Variants in TAS2R1 observed in about 807,000 individuals in gnomAD.
The protein encoded by TAS2R1 is taste 2 receptor member 1.
For synonymous variants in TAS2R1, 141 were observed against 134.2 expected, an observed-to-expected ratio of 1.05 and a Z score of -0.35; for missense variants, 370 against 353.4, an observed-to-expected ratio of 1.05 and a Z score of -0.38.
At chr5:9,764,087 G>A in the TAS2R1 span, among the ~76,000 whole-genome samples, 2 of 152,166 alleles carry the variant, frequency 1.3e-5, no homozygotes, top group Non-Finnish European at 2.9e-5. Flanking sequence ...TAAATTAAAA[G>A]GTTGTGTGTT....
At chr5:9,671,586 T>A (rs982832144) in intron 1 of TAS2R1, among the ~76,000 whole-genome samples, 1 of 152,034 alleles carries the variant, frequency 6.6e-6, no homozygotes, top group South Asian at 2.1e-4. Flanking sequence ...TAACCAGGTA[T>A]ATGAAAGATC....
At chr5:9,837,783 C>T in the TAS2R1 span, among the ~76,000 whole-genome samples, 3 of 152,194 alleles carry the variant, frequency 2.0e-5, no homozygotes, top group Admixed American at 6.5e-5. Context: ...CCTCGTGGAG[C>T]GACAGCATGT....
the TAS2R1 span, among the ~76,000 whole-genome samples, chr5:9,786,812 C>G: frequency 6.6e-6 from 1 of 152,310 alleles, no homozygotes; most frequent in East Asian, 1.9e-4. Context: ...CTTCTATGAG[C>G]TGCCCCCAAC....
the TAS2R1 span, among the ~76,000 whole-genome samples, chr5:9,784,471 A>C: frequency 6.6e-6 from 1 of 152,208 alleles, no homozygotes; most frequent in African/African-American, 2.4e-5. Context: ...GAGAACATTC[A>C]ATGTAGGCAA....
chr5:9,652,323 C>T (rs548473922), intron 2 of TAS2R1, among the ~76,000 whole-genome samples: 4 of 152,312 alleles, frequency 2.6e-5, no homozygotes, highest in African/African-American at 9.6e-5. Context: ...CCTGGAAACA[C>T]AGCTGAACAC....
At chr5:9,680,790 C>T (rs1209050893) in intron 1 of TAS2R1, among the ~76,000 whole-genome samples, 4 of 152,092 alleles carry the variant, frequency 2.6e-5, no homozygotes, top group Non-Finnish European at 4.4e-5. Flanking sequence ...TGGTGGCTCA[C>T]GCCTGTAATC....
chr5:9,691,152 G>A lies in TAS2R1; in HGVS notation c.-242+21020C>T, dbSNP rs61369995. Among the ~76,000 whole-genome samples the A allele has an allele frequency of 7.4e-3, 1,125 of 152,316 alleles. 16 individuals carry two copies. The highest frequency in any genetic ancestry group is 0.026 in the African/African-American group (1,075 of 41,562). On this transcript the variant is annotated intron_variant, in intron 1 of 2. Transcript: ENST00000506620. ...ATGAAATCATCCTGGATTATGCTGG[G>A]GGCCCCTCAATCCGGTCACATGTGT...
chr5:9,895,116 G>A, the TAS2R1 span, among the ~76,000 whole-genome samples: 3 of 152,236 alleles, frequency 2.0e-5, no homozygotes, highest in African/African-American at 4.8e-5. Context: ...CAAAGGCCTC[G>A]GCTTTCTCAT....
chr5:9,825,156 TC>T, the TAS2R1 span, among the ~76,000 whole-genome samples: 2 of 152,328 alleles, frequency 1.3e-5, no homozygotes, highest in African/African-American at 4.8e-5. Flanking sequence ...TCATTTCCTT[TC>T]TACTTACTAG....
the TAS2R1 span, among the ~76,000 whole-genome samples, chr5:9,732,440 G>A: frequency 6.6e-6 from 1 of 152,152 alleles, no homozygotes; most frequent in Non-Finnish European, 1.5e-5. Context: ...GGCTCTCCAG[G>A]TGGGCTTTAT....
At chr5:9,785,528 T>C in the TAS2R1 span, among the ~76,000 whole-genome samples, 2 of 152,234 alleles carry the variant, frequency 1.3e-5, no homozygotes, top group Admixed American at 6.5e-5. Context: ...GGAGATTTGA[T>C]AGCTGTTCAA....
chr5:9,784,981 C>T, the TAS2R1 span, among the ~76,000 whole-genome samples: 1 of 152,134 alleles, frequency 6.6e-6, no homozygotes, highest in Non-Finnish European at 1.5e-5. Context: ...TTTGGGGAGA[C>T]ACAATTCAAC....
chr5:9,678,209 T>A (rs896118436), intron 1 of TAS2R1, among the ~76,000 whole-genome samples: 1 of 152,088 alleles, frequency 6.6e-6, no homozygotes, highest in South Asian at 2.1e-4. Context: ...CATTAGAGAA[T>A]GCAAATCAAA....
chr5:9,820,206 G>C, the TAS2R1 span, among the ~76,000 whole-genome samples: 8 of 152,118 alleles, frequency 5.3e-5, no homozygotes, highest in African/African-American at 1.4e-4. Context: ...CACATGGAAA[G>C]GAAGTCACTA....
the TAS2R1 span, among the ~76,000 whole-genome samples, chr5:9,893,187 G>A: frequency 6.6e-6 from 1 of 151,294 alleles, no homozygotes; most frequent in Non-Finnish European, 1.5e-5. Flanking sequence ...AAATATCTGG[G>A]TGATGTCTTG....
At chr5:9,764,842 T>C in the TAS2R1 span, among the ~76,000 whole-genome samples, 1,208 of 152,272 alleles carry the variant, frequency 7.9e-3, 11 homozygotes, top group African/African-American at 0.028. Flanking sequence ...ATGGCACCTG[T>C]TTAAAACCAA....
At chr5:9,814,389 C>A in the TAS2R1 span, among the ~76,000 whole-genome samples, 1 of 152,074 alleles carries the variant, frequency 6.6e-6, no homozygotes, top group Non-Finnish European at 1.5e-5. Context: ...CTTATCTAAG[C>A]AGGAATATCT....
At chr5:9,739,598 C>T in the TAS2R1 span, among the ~76,000 whole-genome samples, 1 of 152,174 alleles carries the variant, frequency 6.6e-6, no homozygotes, top group African/African-American at 2.4e-5. Flanking sequence ...TTGCTTAATC[C>T]GTAAGAGGCA....
the TAS2R1 span, among the ~76,000 whole-genome samples, chr5:9,740,164 C>G: frequency 1.3e-5 from 2 of 152,118 alleles, no homozygotes; most frequent in East Asian, 3.9e-4. Flanking sequence ...TTTCTCAGAG[C>G]CTTTTATATG....
Sources: gnomAD v4.1 joint callset for allele counts (sites outside exome capture counted in the v4.1 genomes callset) on GRCh38, gnomAD v4.1.1 for gene constraint, MANE v1.5 for transcripts, NCBI Gene and HGNC (gene_info 2026-07-23, HGNC 2026-07-21) for gene names.